COP1: variants seen among roughly 807,000 people sequenced by gnomAD.
The protein encoded by COP1 is E3 ubiquitin-protein ligase COP1.
In COP1, 24 loss-of-function variants were observed where a neutral mutation model predicts 101.3. The ratio of observed to expected loss-of-function variants is 0.24; its 90% CI spans 0.17 to 0.33. The LOEUF (loss-of-function observed/expected upper bound fraction) is 0.33. COP1 is among the 10% of genes least tolerant of loss of function. COP1 has a pLI of 1.00. For missense variants in COP1, 663 were observed against 906.2 expected (o/e 0.73, Z 3.45); for synonymous variants, 347 against 341.9 (o/e 1.01, Z -0.17).
At chr1:176,022,823 G>A (rs1283335704) in intron 15 of COP1, among the ~76,000 whole-genome samples, 1 of 152,152 alleles carries the variant, frequency 6.6e-6, no homozygotes, top group East Asian at 1.9e-4. Context: ...ACCTATGCAA[G>A]ATACAAGGTT....
intron 18 of COP1, among the ~76,000 whole-genome samples, chr1:175,977,161 A>G (rs1402002223): frequency 1.3e-5 from 2 of 152,200 alleles, no homozygotes; most frequent in Non-Finnish European, 2.9e-5. Context: ...TTCTACTTTT[A>G]TCAGAGAGCA....
At chr1:176,117,970 T>C (rs753137653) in intron 8 of COP1, among the ~76,000 whole-genome samples, 1 of 152,164 alleles carries the variant, frequency 6.6e-6, no homozygotes, top group East Asian at 1.9e-4. Flanking sequence ...ATTTAAGCAA[T>C]TGAGATTACT....
chr1:175,948,626 T>C (rs1649472886), intron 18 of COP1, among the ~76,000 whole-genome samples: 1 of 152,232 alleles, frequency 6.6e-6, no homozygotes, highest in African/African-American at 2.4e-5. Flanking sequence ...TTTTTAAATT[T>C]TCCCTTTCAT....
intron 8 of COP1, among the ~76,000 whole-genome samples, chr1:176,132,151 C>G (rs1192928031): frequency 6.6e-6 from 1 of 151,716 alleles, no homozygotes; most frequent in East Asian, 1.9e-4. Context: ...CCCCAGCTTC[C>G]AATGTCAAGG....
At chr1:176,057,367 A>T (rs140900335) in intron 11 of COP1, among the ~76,000 whole-genome samples, 5 of 151,590 alleles carry the variant, frequency 3.3e-5, no homozygotes, top group African/African-American at 1.2e-4. Context: ...TCTTTCCACG[A>T]TCTCCCTCTG....
chr1:175,999,922 A>T (rs1245288615), intron 15 of COP1, among the ~76,000 whole-genome samples: 1 of 152,026 alleles, frequency 6.6e-6, no homozygotes, highest in African/African-American at 2.4e-5. Context: ...AGAAATGTCT[A>T]TTCAAACCTT....
At chr1:176,025,307 G>C (rs1322420243) in intron 15 of COP1, among the ~76,000 whole-genome samples, 3 of 152,004 alleles carry the variant, frequency 2.0e-5, no homozygotes. Context: ...CATTGGAAAA[G>C]AAGAAATGCA....
chr1:176,154,732 A>G (rs1693189380), intron 5 of COP1, among the ~76,000 whole-genome samples: 1 of 152,170 alleles, frequency 6.6e-6, no homozygotes. Context: ...ATGAACCCCC[A>G]TGACACAAGT....
At chr1:176,032,227 G>C (rs1242759034) in intron 14 of COP1, among the ~76,000 whole-genome samples, 1 of 152,102 alleles carries the variant, frequency 6.6e-6, no homozygotes, top group African/African-American at 2.4e-5. Flanking sequence ...AGTAAAAAGG[G>C]AGAGTGCTAT....
At chr1:176,033,947 CAGACAAG>C (rs1417348045) in intron 14 of COP1, among the ~76,000 whole-genome samples, 1 of 151,986 alleles carries the variant, frequency 6.6e-6, no homozygotes, top group East Asian at 1.9e-4. Context: ...GATCGCCAAA[CAGACAAG>C]AGTAATAAAT....
intron 14 of COP1, among the ~76,000 whole-genome samples, chr1:176,032,103 G>T (rs1668742834): frequency 6.6e-6 from 1 of 152,162 alleles, no homozygotes; most frequent in South Asian, 2.1e-4. Flanking sequence ...CAGTAAAACA[G>T]CCCAATGCTT....
chr1:176,133,486 T>C (rs1204860665), intron 8 of COP1, among the ~76,000 whole-genome samples: 2 of 152,058 alleles, frequency 1.3e-5, no homozygotes, highest in East Asian at 3.9e-4. Flanking sequence ...CTGTATTGTA[T>C]GTTATATACT....
intron 6 of COP1, 46 bp downstream of exon 6, chr1:176,148,960 A>T: frequency 8.1e-7 from 1 of 1,233,098 alleles, no homozygotes; most frequent in Non-Finnish European, 1.1e-6. Flanking sequence ...GGGAACAGTT[A>T]ACAATAGTAA....
intron 2 of COP1, among the ~76,000 whole-genome samples, chr1:176,182,534 G>C (rs949116213): frequency 4.6e-5 from 7 of 152,192 alleles, no homozygotes; most frequent in African/African-American, 1.7e-4. Flanking sequence ...ATAAAGCACA[G>C]TGCAGTCACC....
At chr1:176,195,526 T>G (rs1432264816) in intron 1 of COP1, among the ~76,000 whole-genome samples, 2 of 152,214 alleles carry the variant, frequency 1.3e-5, no homozygotes, top group African/African-American at 4.8e-5. Context: ...CTCATTTTTT[T>G]CAAGTGCATA....
chr1:176,199,860 T>G (rs938025178), intron 1 of COP1, among the ~76,000 whole-genome samples: 1 of 152,218 alleles, frequency 6.6e-6, no homozygotes, highest in African/African-American at 2.4e-5. Context: ...CACAGGTGTA[T>G]TCATGTGTCA....
chr1:176,013,601 G>C (rs949862632), intron 15 of COP1, among the ~76,000 whole-genome samples: 12 of 152,024 alleles, frequency 7.9e-5, no homozygotes, highest in Admixed American at 4.6e-4. Flanking sequence ...GACTGAAATA[G>C]TTTACAAAGA....
chr1:176,078,252 A>G (rs1678434081), intron 11 of COP1, among the ~76,000 whole-genome samples: 1 of 152,196 alleles, frequency 6.6e-6, no homozygotes, highest in Admixed American at 6.5e-5. Flanking sequence ...TTATACTATC[A>G]GGCTACAATA....
intron 8 of COP1, among the ~76,000 whole-genome samples, chr1:176,117,844 G>T (rs1386885326): frequency 6.6e-6 from 1 of 152,130 alleles, no homozygotes; most frequent in Non-Finnish European, 1.5e-5. Context: ...GCAGTGAGCT[G>T]AGATCACACC....
Sources: gnomAD v4.1 joint callset for allele counts (sites outside exome capture counted in the v4.1 genomes callset) on GRCh38, gnomAD v4.1.1 for gene constraint, MANE v1.5 for transcripts, NCBI Gene and HGNC (gene_info 2026-07-23, HGNC 2026-07-21) for gene names.